The following EDA variants were observed in gnomAD, a reference collection of about 807,000 sequenced individuals.
EDA encodes the protein ectodysplasin A.
A neutral mutation model predicts 23.6 loss-of-function variants in EDA; 2 were observed. The observed-to-expected ratio is 0.08, with a 90% confidence interval of 0.03 to 0.27. The LOEUF (loss-of-function observed/expected upper bound fraction) is 0.27. Among genes scored for constraint, EDA ranks in the 10% least tolerant of loss-of-function variants. EDA has a pLI of 1.00. For synonymous variants in EDA, 131 were observed against 132.0 expected, an observed-to-expected ratio of 0.99 and a Z score of 0.05; for missense variants, 229 against 324.2, an observed-to-expected ratio of 0.71 and a Z score of 2.26.
chrX:69,969,103 A>T (rs992138380), intron 2 of EDA, among the ~76,000 whole-genome samples: 2 of 112,150 alleles, frequency 1.8e-5, no homozygotes, highest in Non-Finnish European at 3.8e-5. Context: ...CACATGGTAT[A>T]CTGGAAAGAA....
chrX:69,895,715 A>G (rs1325638107), intron 1 of EDA, among the ~76,000 whole-genome samples: 2 of 111,215 alleles, frequency 1.8e-5, no homozygotes, highest in East Asian at 5.6e-4. Flanking sequence ...ACAACTTTCC[A>G]CTTTCCACAT....
chrX:69,815,545 C>G (rs1360536175), intron 1 of EDA, among the ~76,000 whole-genome samples: 2 of 111,777 alleles, frequency 1.8e-5, no homozygotes, highest in African/African-American at 6.5e-5. Flanking sequence ...CCTCACAGTG[C>G]AGCACAGCTG....
intron 1 of EDA, among the ~76,000 whole-genome samples, chrX:69,801,639 AATAT>A (rs754950434): frequency 8.9e-6 from 1 of 112,278 alleles, no homozygotes; most frequent in African/African-American, 3.2e-5. Flanking sequence ...TGTTACCAAG[AATAT>A]ATAAAGAACT....
At chrX:69,642,999 AT>A (rs1016021036) in intron 1 of EDA, among the ~76,000 whole-genome samples, 1 of 111,280 alleles carries the variant, frequency 9.0e-6, no homozygotes, top group Non-Finnish European at 1.9e-5. Context: ...TTCTTCTCCT[AT>A]TTTCGACCTT....
chrX:69,718,668 C>T (rs1289616447), intron 1 of EDA, among the ~76,000 whole-genome samples: 9 of 109,654 alleles, frequency 8.2e-5, no homozygotes, highest in African/African-American at 3.0e-4. Context: ...ATGTATAATT[C>T]TTTTCATATA....
chrX:69,733,358 A>G (rs1474487307), intron 1 of EDA, among the ~76,000 whole-genome samples: 1 of 112,014 alleles, frequency 8.9e-6, no homozygotes. Context: ...TAAACAGGGA[A>G]TCCTTTCCCC....
chrX:69,756,897 G>A (rs962898866), intron 1 of EDA: 2 of 111,736 alleles, frequency 1.8e-5, no homozygotes, highest in Non-Finnish European at 3.8e-5. Context: ...GACAAAACTG[G>A]GGAAGAGGTA....
chrX:69,642,743 T>A (rs1932855264), intron 1 of EDA, among the ~76,000 whole-genome samples: 1 of 111,584 alleles, frequency 9.0e-6, no homozygotes, highest in African/African-American at 3.3e-5. Flanking sequence ...ATAGCTTCAA[T>A]GTAAATACCT....
At chrX:69,660,438 C>T (rs1282556105) in intron 1 of EDA, among the ~76,000 whole-genome samples, 1 of 110,220 alleles carries the variant, frequency 9.1e-6, no homozygotes, top group Non-Finnish European at 1.9e-5. Flanking sequence ...GTGTGCTGCA[C>T]CCATTAACTC....
At chrX:69,755,938 TC>T (rs1221586815) in intron 1 of EDA, among the ~76,000 whole-genome samples, 2 of 111,895 alleles carry the variant, frequency 1.8e-5, no homozygotes, top group Admixed American at 9.4e-5. Context: ...GTGGGGAGTG[TC>T]CCAATTTTCC....
At chrX:69,826,016 A>T (rs2016420118) in intron 1 of EDA, among the ~76,000 whole-genome samples, 1 of 106,994 alleles carries the variant, frequency 9.3e-6, no homozygotes, top group African/African-American at 3.4e-5. Flanking sequence ...GTTTTGAGTG[A>T]CATTCTTAAT....
chrX:69,912,604 A>G (rs1168866590), intron 1 of EDA, among the ~76,000 whole-genome samples: 2 of 111,278 alleles, frequency 1.8e-5, no homozygotes, highest in Admixed American at 1.9e-4. Flanking sequence ...GTCCATGAGC[A>G]GTAGTATTTT....
At chrX:69,929,958 C>A (rs2018576083) in intron 1 of EDA, among the ~76,000 whole-genome samples, 1 of 109,950 alleles carries the variant, frequency 9.1e-6, no homozygotes, top group African/African-American at 3.3e-5. Context: ...TTTCAAAAGT[C>A]ATTGTCCCCA....
intron 1 of EDA, among the ~76,000 whole-genome samples, chrX:69,938,493 A>T (rs1340336050): frequency 8.9e-6 from 1 of 111,838 alleles, no homozygotes; most frequent in Non-Finnish European, 1.9e-5. Flanking sequence ...TGAGCTCCTT[A>T]TATATTCTGG....
intron 1 of EDA, among the ~76,000 whole-genome samples, chrX:69,782,366 T>TA (rs751293381): frequency 0.11 from 6,842 of 65,078 alleles, 581 homozygotes; most frequent in Non-Finnish European, 0.12. Context: ...TAAATGCTCT[T>TA]AAAAAAAAAA....
chrX:69,783,413 A>C (rs1360188917), intron 1 of EDA, among the ~76,000 whole-genome samples: 3 of 108,105 alleles, frequency 2.8e-5, no homozygotes, highest in Non-Finnish European at 5.8e-5. Flanking sequence ...CATTAGGTGT[A>C]TCTCCTAATG....
intron 1 of EDA, among the ~76,000 whole-genome samples, chrX:69,885,445 T>C (rs2017812911): frequency 8.9e-6 from 1 of 112,414 alleles, no homozygotes; most frequent in South Asian, 3.7e-4. Context: ...AATCTTACAA[T>C]ATTTTTTATG....
chrX:69,635,420 A>G (rs1207241559), intron 1 of EDA, among the ~76,000 whole-genome samples: 2 of 110,998 alleles, frequency 1.8e-5, no homozygotes, highest in Non-Finnish European at 3.8e-5. Context: ...AACTGCATTT[A>G]TCACCTTCCT....
chrX:70,001,849 A>G (rs770588002), intron 2 of EDA, among the ~76,000 whole-genome samples: 2 of 112,146 alleles, frequency 1.8e-5, no homozygotes, highest in South Asian at 7.4e-4. Flanking sequence ...ACTTCTGTTG[A>G]GCCCAAGTGA....
Sources: gnomAD v4.1 joint callset for allele counts (sites outside exome capture counted in the v4.1 genomes callset) on GRCh38, gnomAD v4.1.1 for gene constraint, MANE v1.5 for transcripts, NCBI Gene and HGNC (gene_info 2026-07-23, HGNC 2026-07-21) for gene names.